Variants in FGF14 observed in about 807,000 individuals in gnomAD.
FGF14 encodes the protein fibroblast growth factor 14, also known as fibroblast growth factor homologous factor 4.
Under a neutral mutation model 25.5 loss-of-function variants are expected in FGF14, and 5 were observed. The ratio of observed to expected loss-of-function variants is 0.20; its 90% CI spans 0.10 to 0.41. FGF14 has a LOEUF of 0.41. FGF14 is among the 10% of genes least tolerant of loss of function. The pLI, the probability that FGF14 is intolerant of heterozygous loss-of-function variation, is 1.00. For missense variants in FGF14, 222 were observed against 320.1 expected (o/e 0.69, Z 2.34); for synonymous variants, 138 against 118.3 (o/e 1.17, Z -1.08).
chr13:102,186,607 A>G (rs1436480845), intron 1 of FGF14, among the ~76,000 whole-genome samples: 1 of 152,222 alleles, frequency 6.6e-6, no homozygotes, highest in Non-Finnish European at 1.5e-5. Flanking sequence ...ATGCACACGT[A>G]AAGTTTGACA....
At chr13:102,103,546 CT>C (rs2044759248) in intron 1 of FGF14, among the ~76,000 whole-genome samples, 2 of 151,492 alleles carry the variant, frequency 1.3e-5, no homozygotes, top group African/African-American at 4.9e-5. Flanking sequence ...TGTTATTTTC[CT>C]CGTATTAACA....
chr13:101,844,297 T>A (rs916606392), intron 3 of FGF14, among the ~76,000 whole-genome samples: 21 of 152,052 alleles, frequency 1.4e-4, no homozygotes, highest in African/African-American at 4.6e-4. Flanking sequence ...TATACAGAGA[T>A]CACTGTTTGA....
intron 1 of FGF14, among the ~76,000 whole-genome samples, chr13:101,960,234 A>G (rs1303900635): frequency 6.6e-6 from 1 of 152,180 alleles, no homozygotes; most frequent in African/African-American, 2.4e-5. Flanking sequence ...ACATATGGGC[A>G]GTGTGCGCAT....
chr13:101,809,628 T>G (rs1351303507), intron 3 of FGF14, among the ~76,000 whole-genome samples: 2 of 152,132 alleles, frequency 1.3e-5, no homozygotes, highest in African/African-American at 2.4e-5. Context: ...CCACTCTGGA[T>G]CTAGGGCAAA....
In FGF14 at chr13:101,805,205, G is replaced by A. The variant is rs183290240; in HGVS notation, c.408+63520C>T. 3.1e-4 allele frequency among the ~76,000 whole-genome samples: 47 copies of A among 152,208 alleles called. No homozygotes were observed. The East Asian group carries it at 8.9e-3, about 29-fold the overall frequency. ...TAGGGTTGAGAAACACTCAGCTACA[G>A]TAAGTAAAAACAGCTCTCTTAGTGG... On this transcript the variant is annotated intron_variant, in intron 3 of 4. Transcript: ENST00000376143.
At chr13:101,888,901 G>A (rs977614374) in intron 1 of FGF14, among the ~76,000 whole-genome samples, 5 of 152,144 alleles carry the variant, frequency 3.3e-5, no homozygotes, top group African/African-American at 1.2e-4. Flanking sequence ...GTCTTAACCA[G>A]AATGAACTAC....
rs941007572 is a variant in FGF14, at chr13:102,206,134, C to T, written c.208+195337G>A. Among the ~76,000 whole-genome samples the T allele has an allele frequency of 2.0e-5, 3 of 150,124 alleles. 1 individual carries two copies. On this transcript the variant is annotated intron_variant, in intron 1 of 4. Transcript: ENST00000376131. ...TCACACTAGTCAACCTTCAAACACA[C>T]ACACACACACACACACGGGCTACAT... is the stretch of plus-strand genomic sequence containing the variant.
At chr13:102,195,919 T>A (rs1322737564) in intron 1 of FGF14, among the ~76,000 whole-genome samples, 1 of 151,224 alleles carries the variant, frequency 6.6e-6, no homozygotes, top group Non-Finnish European at 1.5e-5. Flanking sequence ...GGATAATGAT[T>A]TTTCTGATTA....
At chr13:101,907,251 G>T (rs2032356461) in intron 1 of FGF14, among the ~76,000 whole-genome samples, 1 of 152,006 alleles carries the variant, frequency 6.6e-6, no homozygotes, top group Non-Finnish European at 1.5e-5. Flanking sequence ...GCCTTCTAAT[G>T]GTACCCGAAT....
intron 1 of FGF14, among the ~76,000 whole-genome samples, chr13:102,022,523 CT>C (rs1334339056): frequency 6.6e-6 from 1 of 152,006 alleles, no homozygotes; most frequent in Non-Finnish European, 1.5e-5. Flanking sequence ...GGAACCCAAT[CT>C]TGCTGAATTG....
chr13:101,809,388 A>G (rs545215159), intron 3 of FGF14, among the ~76,000 whole-genome samples: 8 of 152,152 alleles, frequency 5.3e-5, no homozygotes, highest in African/African-American at 1.9e-4. Flanking sequence ...ATGCTATCAC[A>G]CTGCCAGGCT....
intron 1 of FGF14, among the ~76,000 whole-genome samples, chr13:102,384,013 C>T (rs544371584): frequency 6.6e-5 from 10 of 152,278 alleles, no homozygotes; most frequent in Middle Eastern, 3.4e-3. Context: ...CATGATCAGA[C>T]GCAAGATGTT....
intron 1 of FGF14, among the ~76,000 whole-genome samples, chr13:102,348,005 T>TAA (rs138743657): frequency 2.4e-5 from 3 of 126,346 alleles, no homozygotes; most frequent in Non-Finnish European, 3.4e-5. Flanking sequence ...ATTTTCTGGG[T>TAA]AAAAAAAAAA....
At chr13:102,260,595 C>T (rs557324931) in intron 1 of FGF14, among the ~76,000 whole-genome samples, 105 of 152,376 alleles carry the variant, frequency 6.9e-4, no homozygotes, top group Non-Finnish European at 1.1e-3. Context: ...AAAGAGACAG[C>T]TTTGCTATCG....
intron 1 of FGF14, among the ~76,000 whole-genome samples, chr13:102,212,454 AGG>A (rs1375211596): frequency 6.6e-6 from 1 of 152,138 alleles, no homozygotes; most frequent in Non-Finnish European, 1.5e-5. Context: ...GAGAGCTCTG[AGG>A]GCACAGTGCT....
chr13:101,812,633 ATATATATATATATATATATATTTTTT>A (rs2041601394), intron 3 of FGF14, among the ~76,000 whole-genome samples: 3 of 9,856 alleles, frequency 3.0e-4, no homozygotes, highest in African/African-American at 9.7e-4. Flanking sequence ...ATATATATAT[ATATATATATATATATATATATTTTTT>A]TTTTTTTTTT....
At chr13:102,040,262 C>A (rs1313961520) in intron 1 of FGF14, among the ~76,000 whole-genome samples, 1 of 152,110 alleles carries the variant, frequency 6.6e-6, no homozygotes, top group Non-Finnish European at 1.5e-5. Flanking sequence ...TCCTCATGAT[C>A]AAGTATTTCT....
chr13:102,205,728 G>C (rs1369976204), intron 1 of FGF14, among the ~76,000 whole-genome samples: 1 of 137,096 alleles, frequency 7.3e-6, no homozygotes, highest in Admixed American at 7.3e-5. Flanking sequence ...CCCGAGAAAG[G>C]TTGAGAGACA....
At chr13:102,204,029 A>G (rs576919090) in intron 1 of FGF14, among the ~76,000 whole-genome samples, 15 of 152,334 alleles carry the variant, frequency 9.8e-5, no homozygotes, top group African/African-American at 3.4e-4. Context: ...GCAGAACAAC[A>G]TGGATTTTGA....
Sources: allele counts gnomAD v4.1 joint callset (sites outside exome capture counted in the v4.1 genomes callset), GRCh38; gene constraint gnomAD v4.1.1; transcripts MANE v1.5; gene names NCBI Gene and HGNC (gene_info 2026-07-23, HGNC 2026-07-21).